Variants in MAGI2 observed in about 807,000 individuals in gnomAD.
MAGI2 encodes the protein membrane-associated guanylate kinase, WW and PDZ domain-containing protein 2.
MAGI2 carries 35 observed loss-of-function variants against 133.3 expected under a neutral mutation model. The observed-to-expected ratio is 0.26, with a 90% CI of 0.20 to 0.35. The LOEUF is 0.35. Ranked by LOEUF, MAGI2 falls within the 10% of genes least tolerant of loss-of-function variation. MAGI2 has a pLI of 1.00. For missense variants in MAGI2, 1,636 were observed against 1,863.4 expected, an observed-to-expected ratio of 0.88 and a Z score of 2.25; for synonymous variants, 729 against 710.6, an observed-to-expected ratio of 1.03 and a Z score of -0.41.
chr7:79,311,432 G>A (rs569273574), intron 1 of MAGI2, among the ~76,000 whole-genome samples: 1 of 152,170 alleles, frequency 6.6e-6, no homozygotes, highest in East Asian at 1.9e-4. Flanking sequence ...GGCTGCATGC[G>A]GGCTGTGGGC....
chr7:78,194,244 T>G (rs1053122062), intron 12 of MAGI2, among the ~76,000 whole-genome samples: 3 of 152,234 alleles, frequency 2.0e-5, no homozygotes, highest in Non-Finnish European at 2.9e-5. Context: ...AAGCCTTGTT[T>G]TCTAATGTTT....
chr7:78,501,936 A>G (rs1381852854), intron 4 of MAGI2, 149 bp from the exon 5 acceptor site: 2 of 618,878 alleles, frequency 3.2e-6, no homozygotes, highest in Non-Finnish European at 5.7e-6. Flanking sequence ...AATGATCACT[A>G]GGCCTATTTG....
intron 16 of MAGI2, among the ~76,000 whole-genome samples, chr7:78,158,961 C>T (rs923105477): frequency 6.6e-6 from 1 of 152,020 alleles, no homozygotes; most frequent in African/African-American, 2.4e-5. Context: ...CTGCTTTAAC[C>T]AGGTCTGCCA....
At chr7:79,275,708 TG>T (rs1835182846) in intron 1 of MAGI2, among the ~76,000 whole-genome samples, 1 of 152,172 alleles carries the variant, frequency 6.6e-6, no homozygotes, top group South Asian at 2.1e-4. Flanking sequence ...ACAGGCTGAC[TG>T]TCTTGCTAGG....
intron 2 of MAGI2, among the ~76,000 whole-genome samples, chr7:78,789,706 A>G (rs140699091): frequency 2.0e-5 from 3 of 152,304 alleles, no homozygotes; most frequent in African/African-American, 4.8e-5. Context: ...AAATATTCCA[A>G]TTATACTCTT....
chr7:79,296,925 G>A (rs114919384), intron 1 of MAGI2, among the ~76,000 whole-genome samples: 3,818 of 152,190 alleles, frequency 0.025, 169 homozygotes, highest in African/African-American at 0.086. Context: ...TTAAAGTGAT[G>A]GATGTGCTAA....
intron 1 of MAGI2, among the ~76,000 whole-genome samples, chr7:79,139,626 G>T (rs1821929786): frequency 6.6e-6 from 1 of 152,168 alleles, no homozygotes; most frequent in African/African-American, 2.4e-5. Flanking sequence ...AAGGAAGGCT[G>T]TCAGGAAGCA....
chr7:79,399,079 C>CTTTTCTTTTTTTTTTTTTTTTTT (rs1585840184), intron 1 of MAGI2, among the ~76,000 whole-genome samples: 18 of 114,654 alleles, frequency 1.6e-4, no homozygotes, highest in East Asian at 8.8e-4. Context: ...AGTATTATTT[C>CTTTTCTTTTTTTTTTTTTTTTTT]TTTTTTTTTT....
chr7:79,251,017 G>T (rs1268825073), intron 1 of MAGI2, among the ~76,000 whole-genome samples: 1 of 152,096 alleles, frequency 6.6e-6, no homozygotes, highest in Non-Finnish European at 1.5e-5. Flanking sequence ...AATGCTGCTG[G>T]GAAAGCTGGA....
At chr7:79,185,516 ATTTTTTTTT>A (rs71095383) in intron 1 of MAGI2, among the ~76,000 whole-genome samples, 1 of 126,612 alleles carries the variant, frequency 7.9e-6, no homozygotes, top group Non-Finnish European at 1.7e-5. Context: ...CAATTTGGTC[ATTTTTTTTT>A]TTTTTTTTTT....
chr7:78,119,557 C>CA (rs1166809821), intron 20 of MAGI2, among the ~76,000 whole-genome samples: 2,410 of 48,916 alleles, frequency 0.049, 300 homozygotes, highest in African/African-American at 0.09. Context: ...TGAGACTCCT[C>CA]AAAAAAAAAA....
intron 1 of MAGI2, among the ~76,000 whole-genome samples, chr7:79,235,963 C>G (rs1318940366): frequency 6.6e-6 from 1 of 152,164 alleles, no homozygotes; most frequent in Non-Finnish European, 1.5e-5. Context: ...TGCATTTCTA[C>G]TTAATTTGGG....
chr7:78,321,756 C>A (rs1788025953), intron 9 of MAGI2, among the ~76,000 whole-genome samples: 1 of 152,006 alleles, frequency 6.6e-6, no homozygotes, highest in South Asian at 2.1e-4. Context: ...CAACAAAAGC[C>A]CAAATTGACA....
chr7:78,734,130 T>C (rs4730480), intron 2 of MAGI2, among the ~76,000 whole-genome samples: 1 of 151,946 alleles, frequency 6.6e-6, no homozygotes. Flanking sequence ...TCAGATGCAA[T>C]AAGACAAAGA....
intron 1 of MAGI2, among the ~76,000 whole-genome samples, chr7:79,038,242 GT>G (rs1811299659): frequency 6.6e-6 from 1 of 152,154 alleles, no homozygotes. Flanking sequence ...CAGGTAAAAT[GT>G]TGTCTCCATT....
intron 5 of MAGI2, among the ~76,000 whole-genome samples, chr7:78,497,856 T>C (rs565408003): frequency 6.6e-6 from 1 of 152,250 alleles, no homozygotes; most frequent in African/African-American, 2.4e-5. Flanking sequence ...GGATACAGAC[T>C]TCAGCAAAGT....
At chr7:78,690,487 T>C (rs377589592) in intron 2 of MAGI2, among the ~76,000 whole-genome samples, 3 of 152,348 alleles carry the variant, frequency 2.0e-5, no homozygotes, top group East Asian at 1.9e-4. Flanking sequence ...AGCTTGAGAA[T>C]GTGAGCCACT....
At chr7:79,414,887 T>C (rs1846394413) in intron 1 of MAGI2, 1 of 152,104 alleles carries the variant, frequency 6.6e-6, no homozygotes, top group African/African-American at 2.4e-5. Flanking sequence ...TTTAGTAGTG[T>C]AATTATTTTG....
At chr7:79,105,847 C>A (rs1455456644) in intron 1 of MAGI2, among the ~76,000 whole-genome samples, 1 of 150,972 alleles carries the variant, frequency 6.6e-6, no homozygotes, top group Non-Finnish European at 1.5e-5. Flanking sequence ...TTTTTTTCAA[C>A]ATTAAAAACT....
Sources: allele counts gnomAD v4.1 joint callset (sites outside exome capture counted in the v4.1 genomes callset), GRCh38; gene constraint gnomAD v4.1.1; transcripts MANE v1.5; gene names NCBI Gene and HGNC (gene_info 2026-07-23, HGNC 2026-07-21).